RAB7A: variants seen among roughly 807,000 people sequenced by gnomAD.
RAB7A encodes ras-related protein Rab-7a.
A neutral mutation model predicts 24.5 loss-of-function variants in RAB7A; 2 were observed. The ratio of observed to expected loss-of-function variants is 0.08; its 90% CI spans 0.03 to 0.26. RAB7A has a LOEUF of 0.26. Among genes scored for constraint, RAB7A ranks in the 10% least tolerant of loss-of-function variants. The pLI, the probability that RAB7A is intolerant of heterozygous loss-of-function variation, is 1.00. For synonymous variants in RAB7A, 100 were observed against 95.9 expected, an observed-to-expected ratio of 1.04 and a Z score of -0.25; for missense variants, 118 against 255.7, an observed-to-expected ratio of 0.46 and a Z score of 3.67.
intron 1 of RAB7A, among the ~76,000 whole-genome samples, chr3:128,773,968 A>G (rs1437614366): frequency 6.6e-6 from 1 of 150,734 alleles, no homozygotes; most frequent in African/African-American, 2.5e-5. Context: ...TCCTCTGCCT[A>G]GGAAAACCGG....
At chr3:128,773,046 T>C (rs6439145) in intron 1 of RAB7A, among the ~76,000 whole-genome samples, 42,107 of 151,706 alleles carry the variant, frequency 0.28, 7,515 homozygotes, top group African/African-American at 0.5. Context: ...TCTGCCTGGC[T>C]GCCCATCGTC....
intron 3 of RAB7A, 68 bp from the exon 4 acceptor site, chr3:128,806,304 C>G: frequency 7.0e-7 from 1 of 1,421,070 alleles, no homozygotes; most frequent in Non-Finnish European, 9.8e-7. Context: ...TTCTGGCACC[C>G]CTTGCATACA....
At chr3:128,768,664 T>A (rs946844132) in intron 1 of RAB7A, among the ~76,000 whole-genome samples, 2 of 151,944 alleles carry the variant, frequency 1.3e-5, no homozygotes, top group Non-Finnish European at 2.9e-5. Flanking sequence ...GCTCAGGTGA[T>A]CCTTCCACCT....
chr3:128,778,591 C>T (rs377546870), intron 1 of RAB7A, among the ~76,000 whole-genome samples: 2 of 152,210 alleles, frequency 1.3e-5, no homozygotes, highest in African/African-American at 4.8e-5. Flanking sequence ...TTCAGAACTT[C>T]AGAACTGAGA....
chr3:128,764,027 C>CA (rs1173602349), intron 1 of RAB7A, among the ~76,000 whole-genome samples: 3 of 152,106 alleles, frequency 2.0e-5, no homozygotes, highest in Non-Finnish European at 4.4e-5. Flanking sequence ...TTCAGGAGAG[C>CA]AAGCAACAAG....
intron 5 of RAB7A, among the ~76,000 whole-genome samples, chr3:128,811,382 A>G (rs777893201): frequency 1.8e-4 from 27 of 152,236 alleles, no homozygotes; most frequent in Non-Finnish European, 3.5e-4. Context: ...GCCAAAAAGT[A>G]AGAACAACTC....
intron 5 of RAB7A, 26 bp from the exon 6 acceptor site, chr3:128,813,301 C>T (rs745562666): frequency 3.7e-6 from 6 of 1,601,320 alleles, no homozygotes; most frequent in Non-Finnish European, 4.3e-6. Flanking sequence ...CCTGAGTAAC[C>T]AACCTTTCTC....
At chr3:128,748,747 C>T (rs2070646255) in intron 1 of RAB7A, 1 of 152,106 alleles carries the variant, frequency 6.6e-6, no homozygotes, top group African/African-American at 2.4e-5. Context: ...CTATTGTGTT[C>T]CTCTTCCTGG....
intron 1 of RAB7A, among the ~76,000 whole-genome samples, chr3:128,774,050 CTGCGAGAAACACCCAAGAA>C (rs1471108162): frequency 6.8e-6 from 1 of 146,090 alleles, no homozygotes; most frequent in Non-Finnish European, 1.5e-5. Flanking sequence ...AAATCCCCCT[CTGCGAGAAACACCCAAGAA>C]TGATCAATTA....
At chr3:128,783,646 T>C (rs1933269074) in intron 1 of RAB7A, among the ~76,000 whole-genome samples, 1 of 152,142 alleles carries the variant, frequency 6.6e-6, no homozygotes, top group Non-Finnish European at 1.5e-5. Flanking sequence ...TGTTCCTGAA[T>C]CCCAACTGTC....
At chr3:128,791,148 G>T (rs1311159351) in intron 1 of RAB7A, among the ~76,000 whole-genome samples, 3 of 145,998 alleles carry the variant, frequency 2.1e-5, no homozygotes, top group East Asian at 4.0e-4. Context: ...TGTTTTGTTT[G>T]TTTTTTTTTT....
At chr3:128,731,956 G>A (rs1452779114) in intron 1 of RAB7A, among the ~76,000 whole-genome samples, 2 of 148,750 alleles carry the variant, frequency 1.3e-5, no homozygotes, top group African/African-American at 5.0e-5. Context: ...AGTGAGCCGG[G>A]ATCGTGCCAT....
chr3:128,735,002 A>G (rs780064322), intron 1 of RAB7A, among the ~76,000 whole-genome samples: 1 of 152,196 alleles, frequency 6.6e-6, no homozygotes, highest in Non-Finnish European at 1.5e-5. Context: ...CATGTAAGTT[A>G]TGCTTCTGGG....
At chr3:128,794,822 A>G (rs956614439) in intron 1 of RAB7A, among the ~76,000 whole-genome samples, 2 of 152,102 alleles carry the variant, frequency 1.3e-5, no homozygotes, top group Non-Finnish European at 2.9e-5. Flanking sequence ...GGCATTGAGT[A>G]TACAGTGGGG....
rs2070877667 is a variant in RAB7A, at chr3:128,770,824, A to G, written c.-8-24536A>G. Among the ~76,000 whole-genome samples, 4 of 152,214 alleles carry G rather than the reference A, an allele frequency of 2.6e-5. No individual in the cohort carries two copies. In the South Asian group the frequency reaches 8.3e-4, roughly 32 times the overall value. The stretch of plus-strand genomic sequence containing the variant: ...CATCTTTCTCTTCCTGAAAAAATCC[A>G]AGTGTAAATGATTTTTTTTTTAACA... On this transcript the variant is annotated intron_variant, in intron 1 of 5. Coordinates refer to ENST00000265062, the MANE Select transcript of RAB7A (RefSeq NM_004637.6).
chr3:128,730,783 C>T (rs1241620265), intron 1 of RAB7A, among the ~76,000 whole-genome samples: 2 of 152,154 alleles, frequency 1.3e-5, no homozygotes, highest in Non-Finnish European at 2.9e-5. Flanking sequence ...TGTTCATTTG[C>T]TTGAAGATGC....
rs1277414932 is a variant in RAB7A, at chr3:128,814,445, C to G, written c.*1023C>G. Reference sequence around the variant, plus strand: ...CCCCCCTGCTCCACACTTCAAAACTCCCGTTAGATCAGCATTCTACTACAA... The same window carrying G: ...CCCCCCTGCTCCACACTTCAAAACTGCCGTTAGATCAGCATTCTACTACAA... On this transcript the variant is annotated 3_prime_UTR_variant, in exon 6 of 6. Coordinates refer to ENST00000265062, the MANE Select transcript of RAB7A (RefSeq NM_004637.6). 3 of 152,698 alleles carry G rather than the reference C, an allele frequency of 2.0e-5. No homozygotes were observed. The highest frequency in any genetic ancestry group is 7.2e-5 in the African/African-American group (3 of 41,542). 9.5% of individuals were successfully genotyped at this position (152,698 alleles called of 1,614,324 possible). A position where few individuals can be genotyped will look rare whatever the true frequency, so the allele number is the denominator to read the frequency against.
chr3:128,744,810 A>G (rs1280352572), intron 1 of RAB7A, among the ~76,000 whole-genome samples: 2 of 152,188 alleles, frequency 1.3e-5, no homozygotes, highest in East Asian at 3.9e-4. Flanking sequence ...AGCCACTTGT[A>G]ATAATTTTTT....
intron 2 of RAB7A, among the ~76,000 whole-genome samples, chr3:128,796,400 T>C (rs1933575337): frequency 6.6e-6 from 1 of 152,084 alleles, no homozygotes; most frequent in South Asian, 2.1e-4. Flanking sequence ...TGTAGCAAGC[T>C]ATGATCATGC....
Sources: allele counts gnomAD v4.1 joint callset (sites outside exome capture counted in the v4.1 genomes callset), GRCh38; gene constraint gnomAD v4.1.1; transcripts MANE v1.5; gene names NCBI Gene and HGNC (gene_info 2026-07-23, HGNC 2026-07-21).